RSBN1L: variants seen among roughly 807,000 people sequenced by gnomAD.
RSBN1L encodes the protein lysine-specific demethylase RSBN1L.
Under a neutral mutation model 67.7 loss-of-function variants are expected in RSBN1L, and 30 were observed. That is an observed-to-expected ratio of 0.44 (90% CI 0.33 to 0.60). The LOEUF (loss-of-function observed/expected upper bound fraction) is 0.60. Ranked by LOEUF, RSBN1L falls within the 20% of genes least tolerant of loss-of-function variation. The pLI, the probability that RSBN1L is intolerant of heterozygous loss-of-function variation, is 0.02. For missense variants in RSBN1L, 992 were observed against 1,031.7 expected (o/e 0.96, Z 0.53); for synonymous variants, 433 against 387.0 (o/e 1.12, Z -1.39).
chr7:77,756,911 G>A (rs1313389086), intron 3 of RSBN1L, among the ~76,000 whole-genome samples: 2 of 152,136 alleles, frequency 1.3e-5, no homozygotes, highest in African/African-American at 2.4e-5. Flanking sequence ...TAGAAGCTGC[G>A]CACTGCAGCC....
chr7:77,741,384 G>C (rs2150422705), intron 2 of RSBN1L, among the ~76,000 whole-genome samples: 1 of 151,864 alleles, frequency 6.6e-6, no homozygotes. Context: ...TCCTTTATTG[G>C]GTTCTGTTAC....
intron 5 of RSBN1L, 122 bp downstream of exon 5, chr7:77,768,925 A>T: frequency 1.3e-6 from 1 of 777,912 alleles, no homozygotes; most frequent in Non-Finnish European, 2.1e-6. Context: ...ATATAAATTT[A>T]AAAATAGCGA....
Position 77,782,828 on chromosome 7 carries a change from G to T in RSBN1L, c.*3660G>T, listed in dbSNP as rs1217053710. 6.6e-6 allele frequency: 1 copy of T among 152,092 alleles called. No homozygotes were observed. The allele number at this position is 152,092 out of a possible 1,614,324, so 9.4% of individuals were successfully genotyped here. On this transcript the variant is annotated 3_prime_UTR_variant, in exon 8 of 8. Transcript: ENST00000334955. ...TTTCCCAAATACTTATGGCAGATAA[G>T]AGCATTTTTGTAAATAATAAACTAG... is the stretch of plus-strand genomic sequence containing the variant.
chr7:77,747,485 G>C (rs1008318540), intron 2 of RSBN1L, among the ~76,000 whole-genome samples: 3 of 152,112 alleles, frequency 2.0e-5, no homozygotes, highest in African/African-American at 4.8e-5. Flanking sequence ...AGCCATCCCA[G>C]CTCCAGCTGT....
intron 2 of RSBN1L, among the ~76,000 whole-genome samples, chr7:77,743,347 C>T (rs1342906467): frequency 6.6e-6 from 1 of 151,978 alleles, no homozygotes; most frequent in Non-Finnish European, 1.5e-5. Context: ...GCCTGTAATC[C>T]CAGCACTTTG....
At chr7:77,750,428 G>A (rs1383771662) in intron 3 of RSBN1L, among the ~76,000 whole-genome samples, 1 of 150,310 alleles carries the variant, frequency 6.7e-6, no homozygotes, top group Admixed American at 6.7e-5. Context: ...CTAGCTTTAG[G>A]ATGCTTTAAG....
intron 3 of RSBN1L, among the ~76,000 whole-genome samples, chr7:77,763,076 T>C (rs1791716049): frequency 6.6e-6 from 1 of 152,078 alleles, no homozygotes; most frequent in South Asian, 2.1e-4. Context: ...AGGTATCTAA[T>C]TTAAACAAGA....
At chr7:77,732,026 T>A (rs752750747) in intron 1 of RSBN1L, among the ~76,000 whole-genome samples, 1 of 152,226 alleles carries the variant, frequency 6.6e-6, no homozygotes, top group Non-Finnish European at 1.5e-5. Flanking sequence ...TTTCTCTTTT[T>A]ATTTTTAAAT....
At chr7:77,729,940 CA>C (rs963728285) in intron 1 of RSBN1L, among the ~76,000 whole-genome samples, 8 of 152,138 alleles carry the variant, frequency 5.3e-5, no homozygotes, top group Non-Finnish European at 1.0e-4. Flanking sequence ...TGTGACAGAG[CA>C]AAACCCTGTC....
At chr7:77,748,100 G>A (rs184900054) in intron 2 of RSBN1L, among the ~76,000 whole-genome samples, 26 of 152,204 alleles carry the variant, frequency 1.7e-4, no homozygotes, top group Non-Finnish European at 3.7e-4. Context: ...CACTGTCTTT[G>A]GATTCCAGAC....
chr7:77,758,795 T>C (rs1380478030), intron 3 of RSBN1L, among the ~76,000 whole-genome samples: 1 of 152,194 alleles, frequency 6.6e-6, no homozygotes, highest in Admixed American at 6.5e-5. Flanking sequence ...ACCGTAGGGA[T>C]AGAAAAAGGC....
At chr7:77,766,477 G>A (rs1169330224) in intron 4 of RSBN1L, among the ~76,000 whole-genome samples, 4 of 151,352 alleles carry the variant, frequency 2.6e-5, no homozygotes, top group African/African-American at 9.7e-5. Flanking sequence ...GAGCCACTGT[G>A]CCCACCACCA....
Position 77,697,159 on chromosome 7 carries a change from G to A in RSBN1L, c.586+104G>A, listed in dbSNP as rs1035812668. The A allele has an allele frequency of 2.3e-5, 28 of 1,230,918 alleles. 1 individual carries two copies. The East Asian group carries it at 7.8e-4, about 34-fold the overall frequency. 76.2% of individuals were successfully genotyped at this position (1,230,918 alleles called of 1,614,324 possible). On this transcript the variant is annotated intron_variant, in intron 1 of 7. Coordinates refer to ENST00000334955, the MANE Select transcript of RSBN1L (RefSeq NM_198467.3). ...GGGGAGCGCGGCGGCCGCGTGCGCC[G>A]GCCTGGAGGGGCTGGGAGGCGTCCG...
chr7:77,725,381 T>TG (rs11406316), intron 1 of RSBN1L, among the ~76,000 whole-genome samples: 72,823 of 134,668 alleles, frequency 0.54, 21,012 homozygotes, highest in African/African-American at 0.78. Context: ...CCCAGGTAGC[T>TG]GGATTACAGG....
intron 1 of RSBN1L, among the ~76,000 whole-genome samples, chr7:77,721,918 A>G (rs1006155531): frequency 3.3e-5 from 5 of 152,170 alleles, no homozygotes; most frequent in South Asian, 2.1e-4. Context: ...GAAAGAAACT[A>G]TAGGTACGGA....
At chr7:77,720,513 C>T (rs983444791) in intron 1 of RSBN1L, among the ~76,000 whole-genome samples, 2 of 151,894 alleles carry the variant, frequency 1.3e-5, no homozygotes, top group East Asian at 3.9e-4. Context: ...GAGCTGAGAT[C>T]GTGCCATTGC....
chr7:77,747,266 A>G (rs1791496501), intron 2 of RSBN1L, among the ~76,000 whole-genome samples: 1 of 152,236 alleles, frequency 6.6e-6, no homozygotes, highest in East Asian at 1.9e-4. Flanking sequence ...ATTTGTGTAA[A>G]TAACTGCAGA....
intron 5 of RSBN1L, among the ~76,000 whole-genome samples, chr7:77,772,260 T>C (rs1198563459): frequency 6.6e-6 from 1 of 151,902 alleles, no homozygotes; most frequent in Admixed American, 6.6e-5. Context: ...GGTGGGAAAG[T>C]AGAGAACCAG....
At chr7:77,731,273 G>T (rs2150419377) in intron 1 of RSBN1L, among the ~76,000 whole-genome samples, 1 of 152,176 alleles carries the variant, frequency 6.6e-6, no homozygotes, top group Middle Eastern at 3.4e-3. Context: ...GAGTGCAGTG[G>T]CACGATCTCT....
Sources: allele counts gnomAD v4.1 joint callset (sites outside exome capture counted in the v4.1 genomes callset), GRCh38; gene constraint gnomAD v4.1.1; transcripts MANE v1.5; gene names NCBI Gene and HGNC (gene_info 2026-07-23, HGNC 2026-07-21).